RP9: variants seen among roughly 807,000 people sequenced by gnomAD.
RP9 encodes the protein retinitis pigmentosa 9 protein.
A neutral mutation model predicts 32.6 loss-of-function variants in RP9; 23 were observed. That is an observed-to-expected ratio of 0.71 (90% CI 0.51 to 1.00). RP9 has a LOEUF of 1.00. RP9 is among the 50% of genes least tolerant of loss of function. RP9 has a pLI of 0.00. For missense variants in RP9, 245 were observed against 285.3 expected (o/e 0.86, Z 1.02); for synonymous variants, 94 against 103.6 (o/e 0.91, Z 0.56).
Position 33,109,345 on chromosome 7 carries a change from C to A in RP9, c.28G>T (p.Val10Leu), listed in dbSNP as rs764257197. 6.9e-7 allele frequency: 1 copy of A among 1,443,560 alleles called. No individual in the cohort carries two copies. Among genetic ancestry groups the A allele is most frequent in the South Asian group, 1.3e-5 (1 of 75,818 alleles). 89.4% of individuals were successfully genotyped at this position (1,443,560 alleles called of 1,614,324 possible). A position where few individuals can be genotyped will look rare whatever the true frequency, so the allele number is the denominator to read the frequency against. MSSRPGRED[V>L]GAAGARRPRE... ...GGCCGCCGCGCGCCCGCAGCCCCCA[C>A]GTCCTCGCGCCCAGGCCGGGACGAC... is the stretch of plus-strand genomic sequence containing the variant. Residue 10 changes from valine (V) to leucine (L), a missense_variant, in exon 1 of 6, where the codon GTG becomes TTG. Coordinates refer to ENST00000297157, the MANE Select transcript of RP9 (RefSeq NM_203288.2). The surrounding 1 kb of genome is among the most constrained non-coding windows in gnomAD (Gnocchi z 4.9).
chr7:33,108,997 G>C (rs910704989), intron 1 of RP9, among the ~76,000 whole-genome samples: 2 of 152,068 alleles, frequency 1.3e-5, no homozygotes, highest in Non-Finnish European at 1.5e-5. Context: ...GCTTGGTGCC[G>C]AGCGGCAGTT....
At position 33,097,198 on chromosome 7, in the gene RP9, C is replaced by T. The variant is rs1391339722; in HGVS notation, c.405+73G>A. The stretch of plus-strand genomic sequence containing the variant: ...TATTTTATGTGACCATTCAAGTTCA[C>T]TGGTGACTTTCTGCTTCACTGATTT... On this transcript the variant is annotated intron_variant, in intron 4 of 5. Coordinates refer to ENST00000297157, the MANE Select transcript of RP9 (RefSeq NM_203288.2). 7.8e-6 allele frequency: 9 copies of T among 1,159,704 alleles called. No individual in the cohort carries two copies. The East Asian group carries it at 1.9e-4, about 24-fold the overall frequency. 71.8% of individuals were successfully genotyped at this position (1,159,704 alleles called of 1,614,324 possible). A position where few individuals can be genotyped will look rare whatever the true frequency, so the allele number is the denominator to read the frequency against.
intron 1 of RP9, among the ~76,000 whole-genome samples, chr7:33,102,908 C>T (rs964838811): frequency 2.6e-5 from 4 of 152,140 alleles, no homozygotes; most frequent in African/African-American, 7.2e-5. Context: ...GCAGGGTCAC[C>T]GAGGGAAAAC....
Position 33,096,429 on chromosome 7 carries a change from T to C in RP9, c.467+64A>G, listed in dbSNP as rs553020281. The C allele has an allele frequency of 3.0e-4, 361 of 1,209,480 alleles. 7 individuals carry two copies. In the Middle Eastern group the frequency reaches 4.4e-3, roughly 15 times the overall value. The allele number at this position is 1,209,480 out of a possible 1,614,324, so 74.9% of individuals were successfully genotyped here. The stretch of plus-strand genomic sequence containing the variant: ...ACCATTCCTCTAACACTAGAGTGGT[T>C]TTCTCCAACTTTATATAATTTTAAA... On this transcript the variant is annotated intron_variant, in intron 5 of 5. Transcript: ENST00000297157.
Position 33,109,088 on chromosome 7 carries a change from C to T in RP9, c.152+133G>A. On this transcript the variant is annotated intron_variant, in intron 1 of 5. Coordinates refer to ENST00000297157, the MANE Select transcript of RP9 (RefSeq NM_203288.2). This position sits in a 1 kb window ranked among gnomAD's most constrained non-coding sequence, Gnocchi z 4.9. Reference sequence around the variant, plus strand: ...CGACATCGGTCGCCCGCACCAGGCTCCTGCCGGGCCCAGCCCCCCTGCCTG... The same window carrying T: ...CGACATCGGTCGCCCGCACCAGGCTTCTGCCGGGCCCAGCCCCCCTGCCTG... The T allele has an allele frequency of 1.5e-6, 2 of 1,300,430 alleles. No homozygotes were observed. The highest frequency in any genetic ancestry group is 2.0e-6 in the Non-Finnish European group (2 of 1,020,244). The allele number at this position is 1,300,430 out of a possible 1,614,324, so 80.6% of individuals were successfully genotyped here. A position where few individuals can be genotyped will look rare whatever the true frequency, so the allele number is the denominator to read the frequency against.
At chr7:33,107,987 C>T (rs761035006) in intron 1 of RP9, among the ~76,000 whole-genome samples, 1 of 152,210 alleles carries the variant, frequency 6.6e-6, no homozygotes, top group Non-Finnish European at 1.5e-5. Context: ...GTTTCAAAGG[C>T]TGACCACCTG....
intron 1 of RP9, among the ~76,000 whole-genome samples, chr7:33,102,597 T>C (rs1718748614): frequency 6.6e-6 from 1 of 152,264 alleles, no homozygotes; most frequent in Non-Finnish European, 1.5e-5. Flanking sequence ...AGACCAGTTA[T>C]GTCTGAGACA....
At chr7:33,095,506 CA>C in intron 5 of RP9, 74 bp from the exon 6 acceptor site, 7 of 1,594,372 alleles carry the variant, frequency 4.4e-6, no homozygotes, top group Non-Finnish European at 5.1e-6. Flanking sequence ...ATAAATATGT[CA>C]TTCAAAAGCA....
chr7:33,095,545 A>G (rs923302016), intron 5 of RP9, 113 bp from the exon 6 acceptor site: 2 of 1,520,142 alleles, frequency 1.3e-6, no homozygotes, highest in Admixed American at 2.2e-5. Flanking sequence ...ACCATGTCAC[A>G]AAGACAGTAT....
Position 33,109,325 on chromosome 7 carries a change from C to T in RP9, c.48G>A (p.Arg16=). 1 of 1,457,756 alleles carries T rather than the reference C, an allele frequency of 6.9e-7. No homozygotes were observed. The highest frequency in any genetic ancestry group is 9.0e-7 in the Non-Finnish European group (1 of 1,109,252). 90.3% of individuals were successfully genotyped at this position (1,457,756 alleles called of 1,614,324 possible). Residue 16 remains arginine, a synonymous_variant, in exon 1 of 6, where the codon CGG becomes CGA. Coordinates refer to ENST00000297157, the MANE Select transcript of RP9 (RefSeq NM_203288.2). This position sits in a 1 kb window ranked among gnomAD's most constrained non-coding sequence, Gnocchi z 4.9. ...GREDVGAAGA[R]RPREPPEQEL... is the part of the protein sequence containing the mutation. ...CCTGCTCCGGCGGCTCACGCGGCCG[C>T]CGCGCGCCCGCAGCCCCCACGTCCT...
intron 1 of RP9, among the ~76,000 whole-genome samples, chr7:33,106,482 T>C (rs778628021): frequency 2.6e-5 from 4 of 152,178 alleles, no homozygotes; most frequent in Non-Finnish European, 4.4e-5. Context: ...AGCCTAGTTA[T>C]AATAATGTTA....
chr7:33,095,375 G>A lies in RP9; in HGVS notation c.525C>T (p.Ser175=), dbSNP rs746662193. ...TCTCTTTACCTTCAGAGGAACTGGAGCTGCTCCTATCTTCATCTGAGGTAG... is the reference window on the plus strand; with the variant it reads ...TCTCTTTACCTTCAGAGGAACTGGAACTGCTCCTATCTTCATCTGAGGTAG... ...EDSTSDEDRS[S]SSSSEGKEKH... The change falls in exon 6 of 6, where the codon AGC becomes AGT. Residue 175 remains serine, a synonymous_variant. Coordinates refer to ENST00000297157, the MANE Select transcript of RP9 (RefSeq NM_203288.2). 4 of 1,613,764 alleles carry A rather than the reference G, an allele frequency of 2.5e-6. No homozygotes were observed. Among genetic ancestry groups the A allele is most frequent in the Non-Finnish European group, 3.4e-6 (4 of 1,179,844 alleles).
intron 1 of RP9, among the ~76,000 whole-genome samples, chr7:33,108,007 G>C (rs563732037): frequency 6.6e-6 from 1 of 152,348 alleles, no homozygotes; most frequent in African/African-American, 2.4e-5. Context: ...GTGACGGCCT[G>C]AAAATCAGCT....
chr7:33,107,015 G>GTT (rs1025023002), intron 1 of RP9, among the ~76,000 whole-genome samples: 1 of 152,160 alleles, frequency 6.6e-6, no homozygotes, highest in African/African-American at 2.4e-5. Flanking sequence ...GAGAAGCCTG[G>GTT]TTTGGGAGGG....
At chr7:33,105,415 G>A (rs1378883350) in intron 1 of RP9, among the ~76,000 whole-genome samples, 1 of 152,014 alleles carries the variant, frequency 6.6e-6, no homozygotes, top group Non-Finnish European at 1.5e-5. Flanking sequence ...TTTTCCACAA[G>A]TGGGCCATAA....
chr7:33,105,724 G>A (rs1316947848), intron 1 of RP9, among the ~76,000 whole-genome samples: 1 of 152,034 alleles, frequency 6.6e-6, no homozygotes, highest in Non-Finnish European at 1.5e-5. Flanking sequence ...TGAATAGACA[G>A]GGCTTGCTGG....
At chr7:33,106,524 T>C (rs1229019284) in intron 1 of RP9, among the ~76,000 whole-genome samples, 1 of 152,182 alleles carries the variant, frequency 6.6e-6, no homozygotes, top group Non-Finnish European at 1.5e-5. Flanking sequence ...AAAATTGCTA[T>C]GATGGAACTA....
At position 33,100,515 on chromosome 7, in the gene RP9, C is replaced by T. The variant is rs777770953; in HGVS notation, c.183+16G>A. On this transcript the variant is annotated intron_variant, in intron 2 of 5. Coordinates refer to ENST00000297157, the MANE Select transcript of RP9 (RefSeq NM_203288.2). ...ATGTCTTGTGGAATAACCAAGAGTA[C>T]AAACTTCACACTAACCTTGATAAGC... The T allele has an allele frequency of 1.2e-6, 2 of 1,609,990 alleles. No individual in the cohort carries two copies. The highest frequency in any genetic ancestry group is 1.7e-6 in the Non-Finnish European group (2 of 1,176,270).
At chr7:33,105,826 A>T (rs1000086794) in intron 1 of RP9, among the ~76,000 whole-genome samples, 1 of 152,242 alleles carries the variant, frequency 6.6e-6, no homozygotes, top group African/African-American at 2.4e-5. Context: ...GCATAAAAAT[A>T]GTTTCCTCTG....
Sources: allele counts gnomAD v4.1 joint callset (sites outside exome capture counted in the v4.1 genomes callset), GRCh38; gene constraint gnomAD v4.1.1; non-coding constraint Gnocchi (gnomAD v3.1); transcripts MANE v1.5; gene names NCBI Gene and HGNC (gene_info 2026-07-23, HGNC 2026-07-21).